Variants in NCAM2 observed in about 807,000 individuals in gnomAD.
NCAM2 encodes N-CAM-2.
In NCAM2, 30 loss-of-function variants were observed where a neutral mutation model predicts 98.1. The ratio of observed to expected loss-of-function variants is 0.31; its 90% CI spans 0.23 to 0.41. The LOEUF is 0.41. NCAM2 is among the 10% of genes least tolerant of loss of function. The pLI is 1.00. For synonymous variants in NCAM2, 368 were observed against 342.4 expected, an observed-to-expected ratio of 1.07 and a Z score of -0.83; for missense variants, 867 against 1,005.8, an observed-to-expected ratio of 0.86 and a Z score of 1.87.
At chr21:21,242,171 A>C (rs1197911800) in intron 1 of NCAM2, among the ~76,000 whole-genome samples, 1 of 151,778 alleles carries the variant, frequency 6.6e-6, no homozygotes, top group East Asian at 1.9e-4. Context: ...AAACCTCCCT[A>C]TTGTCTGTAT....
intron 1 of NCAM2, among the ~76,000 whole-genome samples, chr21:21,050,143 A>G (rs886293951): frequency 6.6e-6 from 1 of 152,082 alleles, no homozygotes; most frequent in Non-Finnish European, 1.5e-5. Flanking sequence ...GTGCAAAAAA[A>G]AAAAAGGTTT....
chr21:21,484,321 T>C (rs540707881), intron 15 of NCAM2, among the ~76,000 whole-genome samples: 2 of 152,334 alleles, frequency 1.3e-5, no homozygotes, highest in East Asian at 3.9e-4. Flanking sequence ...TGTGTAAATC[T>C]TGCATTAATT....
chr21:21,534,729 T>C lies in NCAM2; in HGVS notation c.2402+73T>C, dbSNP rs1602580923. The C allele has an allele frequency of 1.4e-5, 17 of 1,214,214 alleles. No homozygotes were observed. In the South Asian group the frequency reaches 4.5e-4, roughly 32 times the overall value. The allele number at this position is 1,214,214 out of a possible 1,614,324, so 75.2% of individuals were successfully genotyped here. A position where few individuals can be genotyped will look rare whatever the true frequency, so the allele number is the denominator to read the frequency against. ...ATGATAACACATTATTATTGTTGTA[T>C]TACATATTTAAATATTAATTATTTG... On this transcript the variant is annotated intron_variant, in intron 17 of 17. Coordinates refer to ENST00000400546, the MANE Select transcript of NCAM2 (RefSeq NM_004540.5).
intron 1 of NCAM2, among the ~76,000 whole-genome samples, chr21:21,057,058 C>T (rs56061505): frequency 0.045 from 6,823 of 151,896 alleles, 206 homozygotes; most frequent in African/African-American, 0.076. Context: ...AATACTTTCC[C>T]CCCAAAATAT....
At chr21:21,137,471 A>G (rs1485433306) in intron 1 of NCAM2, among the ~76,000 whole-genome samples, 2 of 152,134 alleles carry the variant, frequency 1.3e-5, no homozygotes, top group East Asian at 3.9e-4. Context: ...CGGGTGTAGC[A>G]TTCAATATGA....
intron 1 of NCAM2, among the ~76,000 whole-genome samples, chr21:21,015,105 A>AGATGGAAGCAC (rs2064282102): frequency 6.6e-6 from 1 of 152,218 alleles, no homozygotes; most frequent in Non-Finnish European, 1.5e-5. Context: ...AAGGAAAGTG[A>AGATGGAAGCAC]TTTCTTGAGA....
At chr21:21,076,146 A>C (rs1478682270) in intron 1 of NCAM2, among the ~76,000 whole-genome samples, 1 of 152,006 alleles carries the variant, frequency 6.6e-6, no homozygotes, top group Non-Finnish European at 1.5e-5. Context: ...TGACCATAAA[A>C]ATCAGCATTT....
chr21:21,195,613 A>G (rs899361079), intron 1 of NCAM2, among the ~76,000 whole-genome samples: 3 of 152,216 alleles, frequency 2.0e-5, no homozygotes, highest in Non-Finnish European at 4.4e-5. Context: ...TGATAAGTAA[A>G]AAGCAAAATC....
At chr21:21,470,031 G>A (rs1012354669) in intron 14 of NCAM2, among the ~76,000 whole-genome samples, 2 of 151,920 alleles carry the variant, frequency 1.3e-5, no homozygotes, top group African/African-American at 2.4e-5. Flanking sequence ...AAATACTGGG[G>A]GATAGTAACA....
chr21:21,357,857 T>A (rs1010162048), intron 8 of NCAM2, among the ~76,000 whole-genome samples: 1 of 151,944 alleles, frequency 6.6e-6, no homozygotes, highest in African/African-American at 2.4e-5. Flanking sequence ...AATATAAAAA[T>A]CAAATAAATA....
chr21:21,074,442 A>G (rs905833067), intron 1 of NCAM2, among the ~76,000 whole-genome samples: 3 of 152,036 alleles, frequency 2.0e-5, no homozygotes, highest in Admixed American at 6.6e-5. Context: ...TTTATTTTAC[A>G]TAAATTTGAT....
chr21:21,512,345 G>A (rs1200428399), intron 16 of NCAM2, among the ~76,000 whole-genome samples: 1 of 151,900 alleles, frequency 6.6e-6, no homozygotes, highest in Non-Finnish European at 1.5e-5. Context: ...TTATTGATGA[G>A]ACTTCCCTAT....
chr21:21,068,364 C>T (rs2065486021), intron 1 of NCAM2, among the ~76,000 whole-genome samples: 1 of 151,664 alleles, frequency 6.6e-6, no homozygotes, highest in African/African-American at 2.4e-5. Context: ...GAACTCCTGA[C>T]CTCAGGTGAT....
intron 16 of NCAM2, among the ~76,000 whole-genome samples, chr21:21,514,605 C>A (rs1486259437): frequency 6.6e-6 from 1 of 151,910 alleles, no homozygotes; most frequent in African/African-American, 2.4e-5. Context: ...CAGTAAGGCC[C>A]TCTATATTTT....
intron 5 of NCAM2, among the ~76,000 whole-genome samples, chr21:21,302,373 G>C (rs2147653368): frequency 6.6e-6 from 1 of 152,132 alleles, no homozygotes; most frequent in Middle Eastern, 3.4e-3. Context: ...TGAATAGGGA[G>C]TTCTTTCCCC....
At chr21:21,279,034 A>T (rs956396681) in intron 1 of NCAM2, among the ~76,000 whole-genome samples, 6 of 152,164 alleles carry the variant, frequency 3.9e-5, no homozygotes, top group African/African-American at 1.4e-4. Context: ...AGCCTCATTT[A>T]TACAACTATT....
At chr21:21,267,343 A>G (rs572469574) in intron 1 of NCAM2, among the ~76,000 whole-genome samples, 5 of 152,280 alleles carry the variant, frequency 3.3e-5, no homozygotes, top group East Asian at 3.9e-4. Flanking sequence ...ATTTTGCTTT[A>G]TAAGAATAAA....
chr21:21,516,027 G>A (rs866661327), intron 16 of NCAM2, among the ~76,000 whole-genome samples: 39 of 152,184 alleles, frequency 2.6e-4, no homozygotes, highest in South Asian at 2.1e-4. Flanking sequence ...AGGATTTTGA[G>A]GGAGCCACAC....
At chr21:21,504,350 G>A (rs1987835504) in intron 15 of NCAM2, among the ~76,000 whole-genome samples, 2 of 151,788 alleles carry the variant, frequency 1.3e-5, no homozygotes, top group Non-Finnish European at 2.9e-5. Context: ...TACACCATAA[G>A]TCGTAAGTGT....
Sources: allele counts gnomAD v4.1 joint callset (sites outside exome capture counted in the v4.1 genomes callset), GRCh38; gene constraint gnomAD v4.1.1; transcripts MANE v1.5; gene names NCBI Gene and HGNC (gene_info 2026-07-23, HGNC 2026-07-21).